FAT3: variants seen among roughly 807,000 people sequenced by gnomAD.
The protein encoded by FAT3 is FAT atypical cadherin 3.
FAT3 carries 95 observed loss-of-function variants against 310.2 expected under a neutral mutation model. That is an observed-to-expected ratio of 0.31 (90% CI 0.26 to 0.36). The LOEUF (loss-of-function observed/expected upper bound fraction) is 0.36. FAT3 is among the 10% of genes least tolerant of loss of function. The pLI is 1.00. For synonymous variants in FAT3, 2,314 were observed against 2,192.9 expected, an observed-to-expected ratio of 1.06 and a Z score of -1.54; for missense variants, 5,408 against 5,715.6, an observed-to-expected ratio of 0.95 and a Z score of 1.74.
At chr11:92,627,080 A>G (rs1941366238) in intron 3 of FAT3, among the ~76,000 whole-genome samples, 2 of 152,216 alleles carry the variant, frequency 1.3e-5, no homozygotes, top group South Asian at 2.1e-4. Context: ...TGAGTAATCT[A>G]TGAATGTCTT....
In FAT3 at chr11:92,495,061, G is replaced by T. The variant is rs193118662; in HGVS notation, c.3293-29573G>T. 1.8e-3 allele frequency among the ~76,000 whole-genome samples: 271 copies of T among 151,856 alleles called. 1 individual carries two copies. The highest frequency in any genetic ancestry group is 6.0e-3 in the African/African-American group (250 of 41,430). On this transcript the variant is annotated intron_variant, in intron 2 of 27. Transcript: ENST00000525166. The stretch of plus-strand genomic sequence containing the variant: ...AGAAAATCAACAACCATGTAGCGTG[G>T]TTTTTTTTCTTTCCTGCTAGTCCAT...
chr11:92,723,945 G>A (rs1457804605), intron 4 of FAT3, among the ~76,000 whole-genome samples: 2 of 152,198 alleles, frequency 1.3e-5, no homozygotes, highest in African/African-American at 4.8e-5. Flanking sequence ...GGTATTTATT[G>A]AGTTCCATTG....
intron 4 of FAT3, among the ~76,000 whole-genome samples, chr11:92,721,411 T>C (rs1178883542): frequency 6.6e-6 from 1 of 152,232 alleles, no homozygotes; most frequent in Non-Finnish European, 1.5e-5. Context: ...AACTTTATGG[T>C]ATATAAATTG....
chr11:92,339,276 G>A (rs536225607), intron 1 of FAT3, among the ~76,000 whole-genome samples: 1 of 152,240 alleles, frequency 6.6e-6, no homozygotes, highest in Non-Finnish European at 1.5e-5. Flanking sequence ...AACAAAAAAT[G>A]TCTGTAGAGA....
chr11:92,488,063 CT>C (rs1252895630), intron 2 of FAT3, among the ~76,000 whole-genome samples: 2 of 152,158 alleles, frequency 1.3e-5, no homozygotes, highest in African/African-American at 2.4e-5. Flanking sequence ...AAGACTCTGA[CT>C]TGCTAGCAGA....
intron 3 of FAT3, among the ~76,000 whole-genome samples, chr11:92,613,393 AT>A (rs35423574): frequency 5.2e-5 from 7 of 135,912 alleles, no homozygotes; most frequent in South Asian, 2.1e-4. Flanking sequence ...GTAATTAAAT[AT>A]TTTTTTTAAA....
chr11:92,559,489 A>G (rs979821781), intron 3 of FAT3: 10 of 373,786 alleles, frequency 2.7e-5, no homozygotes, highest in African/African-American at 2.2e-4. Flanking sequence ...GATTCAAGGG[A>G]TACCCCTGCC....
chr11:92,550,084 A>G lies in FAT3; in HGVS notation c.3607+25136A>G, dbSNP rs568186855. On this transcript the variant is annotated intron_variant, in intron 3 of 27. Transcript: ENST00000525166. Reference sequence around the variant, plus strand: ...AGAGTCTGCATTGTCTCTTGACCTGAAAAGGGAAAAACTTTCAAGAATTAA... The same window carrying G: ...AGAGTCTGCATTGTCTCTTGACCTGGAAAGGGAAAAACTTTCAAGAATTAA... Among the ~76,000 whole-genome samples the G allele has an allele frequency of 3.3e-5, 5 of 152,292 alleles. No individual in the cohort carries two copies. The South Asian group carries it at 8.3e-4, about 25-fold the overall frequency.
At chr11:92,735,567 TAGATAGATAGATAGATA>T (rs1945319087) in intron 4 of FAT3, among the ~76,000 whole-genome samples, 3 of 137,968 alleles carry the variant, frequency 2.2e-5, no homozygotes. Context: ...CATAGATAGA[TAGATAGATAGATAGATA>T]GATAGATAGA....
At chr11:92,466,748 A>T (rs1951772525) in intron 2 of FAT3, among the ~76,000 whole-genome samples, 1 of 94,628 alleles carries the variant, frequency 1.1e-5, no homozygotes, top group African/African-American at 4.3e-5. Flanking sequence ...CCACCCCACA[A>T]CAGTCCCCAG....
chr11:92,776,865 T>C (rs1248251312), intron 7 of FAT3, among the ~76,000 whole-genome samples: 5 of 152,112 alleles, frequency 3.3e-5, no homozygotes, highest in African/African-American at 1.2e-4. Flanking sequence ...AGGAAGTCAT[T>C]ACTCTGTCTG....
intron 1 of FAT3, among the ~76,000 whole-genome samples, chr11:92,336,982 T>G (rs901565299): frequency 6.6e-5 from 10 of 152,312 alleles, no homozygotes; most frequent in Admixed American, 6.5e-4. Context: ...TCCGCCAGCC[T>G]GTGTGACATA....
intron 2 of FAT3, among the ~76,000 whole-genome samples, chr11:92,504,689 AT>A (rs141537011): frequency 0.011 from 1,616 of 152,070 alleles, 30 homozygotes; most frequent in African/African-American, 0.037. Context: ...ACCTGTTAGC[AT>A]TTTCTCTGGC....
chr11:92,753,798 G>GTGTGTGTGTATA, intron 4 of FAT3, among the ~76,000 whole-genome samples: 1 of 119,174 alleles, frequency 8.4e-6, no homozygotes, highest in African/African-American at 3.9e-5. Context: ...GTGTGTGTGT[G>GTGTGTGTGTATA]TATATATATA....
chr11:92,839,238 A>C (rs150085923), intron 17 of FAT3, among the ~76,000 whole-genome samples: 3 of 152,182 alleles, frequency 2.0e-5, no homozygotes, highest in Non-Finnish European at 4.4e-5. Context: ...TGGGGCCCCT[A>C]TCCGCAGGGC....
chr11:92,371,161 C>T (rs1463260068), intron 2 of FAT3, among the ~76,000 whole-genome samples: 1 of 152,186 alleles, frequency 6.6e-6, no homozygotes, highest in Non-Finnish European at 1.5e-5. Context: ...AGTTCACTAA[C>T]TCTCATTGTG....
chr11:92,226,758 C>A (rs930982207), intron 1 of FAT3, among the ~76,000 whole-genome samples: 32 of 152,206 alleles, frequency 2.1e-4, no homozygotes, highest in African/African-American at 7.5e-4. Context: ...GCGCCTCGGC[C>A]GGGAGCTCCA....
intron 9 of FAT3, among the ~76,000 whole-genome samples, chr11:92,797,507 A>G (rs1006441892): frequency 3.3e-5 from 5 of 152,220 alleles, no homozygotes; most frequent in Non-Finnish European, 7.3e-5. Flanking sequence ...AGGAAGTCCT[A>G]TACATTCTTA....
At chr11:92,652,497 G>A (rs548573147) in intron 3 of FAT3, among the ~76,000 whole-genome samples, 1 of 152,322 alleles carries the variant, frequency 6.6e-6, no homozygotes, top group African/African-American at 2.4e-5. Flanking sequence ...AACTGGTCCT[G>A]TGTTCCTCAG....
Sources: gnomAD v4.1 joint callset for allele counts (sites outside exome capture counted in the v4.1 genomes callset) on GRCh38, gnomAD v4.1.1 for gene constraint, MANE v1.5 for transcripts, NCBI Gene and HGNC (gene_info 2026-07-23, HGNC 2026-07-21) for gene names.